GRID2: variants seen among roughly 807,000 people sequenced by gnomAD.
The protein encoded by GRID2 is glutamate receptor ionotropic, delta-2.
A neutral mutation model predicts 114.8 loss-of-function variants in GRID2; 33 were observed. The ratio of observed to expected loss-of-function variants is 0.29; its 90% CI spans 0.22 to 0.38. The LOEUF is 0.38. Among genes scored for constraint, GRID2 ranks in the 10% least tolerant of loss-of-function variants. GRID2 has a pLI of 1.00. For missense variants in GRID2, 1,184 were observed against 1,257.7 expected, an observed-to-expected ratio of 0.94 and a Z score of 0.89; for synonymous variants, 505 against 449.9, an observed-to-expected ratio of 1.12 and a Z score of -1.55.
At chr4:93,291,919 A>C (rs1349601529) in intron 8 of GRID2, among the ~76,000 whole-genome samples, 1 of 152,214 alleles carries the variant, frequency 6.6e-6, no homozygotes, top group Non-Finnish European at 1.5e-5. Flanking sequence ...TTTTGTGATG[A>C]GAACACTTCA....
At chr4:92,403,241 T>C (rs1203129923) in intron 1 of GRID2, among the ~76,000 whole-genome samples, 1 of 152,198 alleles carries the variant, frequency 6.6e-6, no homozygotes, top group Non-Finnish European at 1.5e-5. Context: ...TTTTTTGCTT[T>C]CTTATTATTG....
intron 2 of GRID2, among the ~76,000 whole-genome samples, chr4:92,761,824 T>A (rs1738024798): frequency 6.6e-6 from 1 of 152,240 alleles, no homozygotes; most frequent in South Asian, 2.1e-4. Context: ...CCAAGGGTTC[T>A]AAGCAAAGGT....
intron 2 of GRID2, among the ~76,000 whole-genome samples, chr4:92,956,986 G>C (rs1014917919): frequency 2.0e-5 from 3 of 151,902 alleles, no homozygotes; most frequent in African/African-American, 7.3e-5. Context: ...TAATGTATTT[G>C]GCTCATTTTT....
At chr4:92,467,986 T>G (rs966249821) in intron 1 of GRID2, among the ~76,000 whole-genome samples, 1 of 151,888 alleles carries the variant, frequency 6.6e-6, no homozygotes, top group Non-Finnish European at 1.5e-5. Flanking sequence ...CATGAAAACT[T>G]GGGCCCAAGG....
At chr4:92,673,839 G>A (rs116639570) in intron 2 of GRID2, among the ~76,000 whole-genome samples, 4 of 151,974 alleles carry the variant, frequency 2.6e-5, no homozygotes, top group Non-Finnish European at 4.4e-5. Context: ...GGGGAGGAAG[G>A]GGGGAGGGAT....
At chr4:93,495,716 A>T (rs1050072717) in intron 12 of GRID2, among the ~76,000 whole-genome samples, 2 of 151,776 alleles carry the variant, frequency 1.3e-5, no homozygotes, top group African/African-American at 2.4e-5. Context: ...TCTACTTGAT[A>T]CGAATATGTC....
chr4:92,981,840 T>G (rs75207793), intron 2 of GRID2, among the ~76,000 whole-genome samples: 4,148 of 151,868 alleles, frequency 0.027, 104 homozygotes, highest in African/African-American at 0.062. Flanking sequence ...ATTTCCATTT[T>G]AATTCTTTGT....
intron 13 of GRID2, among the ~76,000 whole-genome samples, chr4:93,545,718 T>C (rs1733148414): frequency 1.3e-5 from 2 of 152,200 alleles, no homozygotes; most frequent in African/African-American, 4.8e-5. Context: ...GTTACATAAC[T>C]GTATGCATAT....
At chr4:93,538,228 A>G (rs1444375276) in intron 13 of GRID2, among the ~76,000 whole-genome samples, 1 of 151,696 alleles carries the variant, frequency 6.6e-6, no homozygotes, top group African/African-American at 2.4e-5. Flanking sequence ...AAAATAAGAA[A>G]GTGCTCAAAT....
chr4:93,156,395 T>G (rs1737189033), intron 4 of GRID2, among the ~76,000 whole-genome samples: 1 of 151,566 alleles, frequency 6.6e-6, no homozygotes, highest in African/African-American at 2.4e-5. Context: ...GGCAGCATAG[T>G]GTTGGAATAG....
chr4:93,212,739 A>T (rs1006382667), intron 5 of GRID2, among the ~76,000 whole-genome samples: 5 of 150,596 alleles, frequency 3.3e-5, no homozygotes, highest in Admixed American at 2.0e-4. Flanking sequence ...TGAGTATTAC[A>T]TTTAATGAGA....
At chr4:92,652,693 G>A (rs891720593) in intron 2 of GRID2, among the ~76,000 whole-genome samples, 3 of 135,954 alleles carry the variant, frequency 2.2e-5, no homozygotes, top group African/African-American at 5.3e-5. Flanking sequence ...AATTTTGGCC[G>A]GGCGCGGTGG....
At chr4:93,480,614 C>T (rs1725756393) in intron 11 of GRID2, among the ~76,000 whole-genome samples, 1 of 152,050 alleles carries the variant, frequency 6.6e-6, no homozygotes, top group South Asian at 2.1e-4. Flanking sequence ...GAGAAACAGC[C>T]ATGACTCACT....
In GRID2 at chr4:93,580,178, G is replaced by A. The variant is rs139299976; in HGVS notation, c.2194-46091G>A. 3.9e-3 allele frequency among the ~76,000 whole-genome samples: 592 copies of A among 152,276 alleles called. 2 individuals are homozygous for A. Among genetic ancestry groups the A allele is most frequent in the African/African-American group, 0.014 (568 of 41,558 alleles). On this transcript the variant is annotated intron_variant, in intron 13 of 15. Transcript: ENST00000282020. ...GTGTGTAGGGGTGAGATTTTTCAGTGAAGTGCTGCCAGCATTTGCTCTGCA... is the reference window on the plus strand; with the variant it reads ...GTGTGTAGGGGTGAGATTTTTCAGTAAAGTGCTGCCAGCATTTGCTCTGCA...
intron 13 of GRID2, among the ~76,000 whole-genome samples, chr4:93,589,458 G>T (rs554194571): frequency 6.6e-6 from 1 of 151,894 alleles, no homozygotes; most frequent in African/African-American, 2.4e-5. Context: ...ATCATTGTTG[G>T]ACATTTGGGT....
At chr4:93,278,268 A>T (rs1451591061) in intron 8 of GRID2, among the ~76,000 whole-genome samples, 1 of 25,882 alleles carries the variant, frequency 3.9e-5, no homozygotes, top group Non-Finnish European at 9.8e-5. Flanking sequence ...TTTTGACTTT[A>T]AAAAAAAAAA....
chr4:93,521,250 C>A (rs1730308961), intron 13 of GRID2, among the ~76,000 whole-genome samples: 1 of 152,050 alleles, frequency 6.6e-6, no homozygotes, highest in African/African-American at 2.4e-5. Context: ...ATATGAAATG[C>A]TTACTCATTA....
intron 14 of GRID2, among the ~76,000 whole-genome samples, chr4:93,677,771 A>G (rs868848830): frequency 1.3e-4 from 20 of 152,136 alleles, no homozygotes; most frequent in Middle Eastern, 3.4e-3. Flanking sequence ...CACACCAAAA[A>G]CCCATCTGTA....
At chr4:93,674,772 A>G (rs1724707638) in intron 14 of GRID2, among the ~76,000 whole-genome samples, 1 of 152,140 alleles carries the variant, frequency 6.6e-6, no homozygotes, top group African/African-American at 2.4e-5. Flanking sequence ...TGCCAACAGA[A>G]CATCTAAAAA....
Sources: allele counts gnomAD v4.1 joint callset (sites outside exome capture counted in the v4.1 genomes callset), GRCh38; gene constraint gnomAD v4.1.1; transcripts MANE v1.5; gene names NCBI Gene and HGNC (gene_info 2026-07-23, HGNC 2026-07-21).